Variants in RAF1 observed in about 807,000 individuals in gnomAD.
RAF1 encodes RAF proto-oncogene serine/threonine-protein kinase.
Under a neutral mutation model 81.1 loss-of-function variants are expected in RAF1, and 27 were observed. The observed-to-expected ratio is 0.33, with a 90% CI of 0.25 to 0.46. RAF1 has a LOEUF of 0.46. Among genes scored for constraint, RAF1 ranks in the 20% least tolerant of loss-of-function variants. The pLI is 1.00. For missense variants in RAF1, 598 were observed against 826.0 expected (o/e 0.72, Z 3.38); for synonymous variants, 298 against 294.0 (o/e 1.01, Z -0.14).
intron 1 of RAF1, among the ~76,000 whole-genome samples, chr3:12,635,756 A>G (rs13074828): frequency 0.12 from 18,302 of 147,052 alleles, 1,322 homozygotes; most frequent in Admixed American, 0.2. Flanking sequence ...GGCGGATCAC[A>G]AGGTCAGGAG....
intron 1 of RAF1, among the ~76,000 whole-genome samples, chr3:12,623,743 G>A (rs1191900908): frequency 3.5e-5 from 5 of 141,706 alleles, no homozygotes; most frequent in Middle Eastern, 4.2e-3. Flanking sequence ...GCAGTGAGCC[G>A]AGATCATGCC....
At chr3:12,601,685 T>G (rs941867945) in intron 8 of RAF1, among the ~76,000 whole-genome samples, 1 of 152,066 alleles carries the variant, frequency 6.6e-6, no homozygotes, top group Admixed American at 6.5e-5. Flanking sequence ...ATTATATAAT[T>G]AGATAAAAAG....
chr3:12,635,672 A>T (rs1197380962), intron 1 of RAF1, among the ~76,000 whole-genome samples: 1 of 139,422 alleles, frequency 7.2e-6, no homozygotes, highest in Non-Finnish European at 1.5e-5. Flanking sequence ...AGAGAGAGAG[A>T]TTACTTTATA....
chr3:12,596,919 G>C (rs1360677236), intron 11 of RAF1, among the ~76,000 whole-genome samples: 1 of 146,248 alleles, frequency 6.8e-6, no homozygotes, highest in East Asian at 2.0e-4. Flanking sequence ...TTTTTTTTGA[G>C]ACGGAGTCTC....
At chr3:12,625,982 T>G (rs1395698168) in intron 1 of RAF1, among the ~76,000 whole-genome samples, 2 of 149,934 alleles carry the variant, frequency 1.3e-5, no homozygotes, top group East Asian at 2.0e-4. Flanking sequence ...AAAAAAAAAG[T>G]AGGCCGGGCG....
intron 12 of RAF1, among the ~76,000 whole-genome samples, chr3:12,591,376 A>T (rs953939826): frequency 2.6e-5 from 4 of 151,838 alleles, no homozygotes; most frequent in Non-Finnish European, 4.4e-5. Context: ...ACTCAGCTAT[A>T]AAAAAAAGGG....
intron 1 of RAF1, 29 bp from the exon 2 acceptor site, chr3:12,618,776 C>G (rs949969926): frequency 5.8e-6 from 9 of 1,554,258 alleles, no homozygotes; most frequent in Non-Finnish European, 7.1e-6. Context: ...AATTGTAACT[C>G]TAGAACAAAA....
At chr3:12,624,764 G>C (rs150581761) in intron 1 of RAF1, among the ~76,000 whole-genome samples, 1 of 151,842 alleles carries the variant, frequency 6.6e-6, no homozygotes, top group Non-Finnish European at 1.5e-5. Context: ...CACTTTGGGA[G>C]ACCAAGGTGG....
chr3:12,612,328 C>A (rs905803468), intron 2 of RAF1, among the ~76,000 whole-genome samples: 1 of 152,044 alleles, frequency 6.6e-6, no homozygotes, highest in East Asian at 1.9e-4. Context: ...GGAAAATATC[C>A]TTCAGAATAA....
Position 12,584,206 on chromosome 3 carries a change from GC to G in RAF1, c.*307del, listed in dbSNP as rs779579082. ...AATACTCATGTAGCCAACAGCTGGG[GC>G]TGGGCCCCTGCTTTTTGTACTACCA... On this transcript the variant is annotated 3_prime_UTR_variant, in exon 18 of 18. Transcript: ENST00000442415. The G allele has an allele frequency of 8.8e-6, 4 of 455,928 alleles. No individual in the cohort carries two copies. Among genetic ancestry groups the G allele is most frequent in the Non-Finnish European group, 1.2e-5 (3 of 245,752 alleles). 28.2% of individuals were successfully genotyped at this position (455,928 alleles called of 1,614,324 possible).
intron 8 of RAF1, among the ~76,000 whole-genome samples, chr3:12,602,770 C>T (rs1244534148): frequency 1.3e-5 from 2 of 152,278 alleles, no homozygotes; most frequent in African/African-American, 4.8e-5. Context: ...ATGATCTCCT[C>T]ACAATAGTGG....
At chr3:12,654,116 C>A (rs947877978) in intron 1 of RAF1, among the ~76,000 whole-genome samples, 2 of 151,952 alleles carry the variant, frequency 1.3e-5, no homozygotes, top group Non-Finnish European at 2.9e-5. Context: ...CTCAGCCTAC[C>A]AAGTAGCTGG....
intron 11 of RAF1, among the ~76,000 whole-genome samples, chr3:12,598,812 T>TC (rs1248613186): frequency 6.7e-6 from 1 of 149,504 alleles, no homozygotes; most frequent in East Asian, 2.0e-4. Flanking sequence ...ATTTTAATAC[T>TC]CCATTCATTT....
chr3:12,598,994 T>C (rs1035795849), intron 11 of RAF1: 5 of 152,264 alleles, frequency 3.3e-5, no homozygotes, highest in African/African-American at 1.2e-4. Context: ...ATACCTATTA[T>C]TTCCCAAAGT....
intron 1 of RAF1, among the ~76,000 whole-genome samples, chr3:12,650,675 G>T (rs1185615996): frequency 1.3e-5 from 2 of 152,150 alleles, no homozygotes; most frequent in Non-Finnish European, 2.9e-5. Flanking sequence ...AAAGTTCAGG[G>T]AGACATGGTC....
intron 1 of RAF1, among the ~76,000 whole-genome samples, chr3:12,620,917 AGAGTT>A (rs1161948393): frequency 2.5e-4 from 38 of 151,498 alleles, no homozygotes; most frequent in African/African-American, 9.0e-4. Context: ...CAGTTCATTC[AGAGTT>A]CAGAGTTCAG....
At chr3:12,585,322 C>T (rs2125323918) in intron 15 of RAF1, 69 bp from the exon 15 acceptor site, 1 of 1,603,830 alleles carries the variant, frequency 6.2e-7, no homozygotes, top group Non-Finnish European at 8.5e-7. Context: ...CATCTAGGGG[C>T]CAGGCTGTCC....
In RAF1 at chr3:12,599,761, G is replaced by A. The variant is rs2125378092; in HGVS notation, c.1098C>T (p.Ala366=). 6.2e-7 allele frequency: 1 copy of A among 1,614,046 alleles called. No homozygotes were observed. The highest frequency in any genetic ancestry group is 2.2e-5 in the East Asian group (1 of 44,868). The change falls in exon 11 of 18, where the codon GCC becomes GCT. Residue 366 remains alanine (A), a synonymous_variant. Coordinates refer to ENST00000442415, the MANE Select transcript of RAF1 (RefSeq NM_001354689.3). ...TCCGAGTGGACAGCATCACTTCACT[G>A]GCTTCTATTTCCCAATAATAGCTTG...
At chr3:12,657,942 T>C (rs1446905238) in intron 1 of RAF1, among the ~76,000 whole-genome samples, 1 of 152,086 alleles carries the variant, frequency 6.6e-6, no homozygotes. Flanking sequence ...CAGCCCCTGA[T>C]CTACTTTCTG....
Sources: gnomAD v4.1 joint callset for allele counts (sites outside exome capture counted in the v4.1 genomes callset) on GRCh38, gnomAD v4.1.1 for gene constraint, MANE v1.5 for transcripts, NCBI Gene and HGNC (gene_info 2026-07-23, HGNC 2026-07-21) for gene names.